BIRC6: variants seen among roughly 807,000 people sequenced by gnomAD.
BIRC6 encodes baculoviral IAP repeat containing 6, also known as dual E2 ubiquitin-conjugating enzyme/E3 ubiquitin-protein ligase BIRC6.
BIRC6 carries 98 observed loss-of-function variants against 503.3 expected under a neutral mutation model. That is an observed-to-expected ratio of 0.19 (90% CI 0.17 to 0.23). The LOEUF (loss-of-function observed/expected upper bound fraction) is 0.23. Among genes scored for constraint, BIRC6 ranks in the 10% least tolerant of loss-of-function variants. The probability of loss-of-function intolerance (pLI) is 1.00; values close to 1 mark genes in which losing one functional copy is unlikely to be tolerated. For synonymous variants in BIRC6, 2,240 were observed against 2,078.7 expected, an observed-to-expected ratio of 1.08 and a Z score of -2.11; for missense variants, 5,360 against 5,806.0, an observed-to-expected ratio of 0.92 and a Z score of 2.50.
intron 72 of BIRC6, among the ~76,000 whole-genome samples, chr2:32,609,353 T>G (rs1159132234): frequency 6.6e-6 from 1 of 151,456 alleles, no homozygotes. Context: ...ATAGTATACC[T>G]AAATAGAATT....
intron 70 of BIRC6, among the ~76,000 whole-genome samples, chr2:32,600,606 A>T (rs1048984030): frequency 6.6e-5 from 10 of 152,210 alleles, no homozygotes; most frequent in Non-Finnish European, 1.5e-4. Flanking sequence ...AGCAACATTG[A>T]CTTTACTTGA....
intron 22 of BIRC6, among the ~76,000 whole-genome samples, chr2:32,451,862 G>T (rs1461877216): frequency 6.6e-6 from 1 of 152,178 alleles, no homozygotes; most frequent in Non-Finnish European, 1.5e-5. Context: ...TGATATTAGA[G>T]AGTGTAATTT....
At chr2:32,462,092 C>T (rs549312250) in intron 23 of BIRC6, among the ~76,000 whole-genome samples, 1 of 151,808 alleles carries the variant, frequency 6.6e-6, no homozygotes, top group East Asian at 1.9e-4. Flanking sequence ...ATGCCTGGGC[C>T]ATAAAGTTGC....
intron 35 of BIRC6, among the ~76,000 whole-genome samples, 152 bp downstream of exon 35, chr2:32,477,735 CAAA>C (rs35168398): frequency 9.2e-6 from 1 of 108,626 alleles, no homozygotes; most frequent in African/African-American, 3.6e-5. Flanking sequence ...CCCGTCTCTA[CAAA>C]AAAAAAAAAA....
At chr2:32,361,243 T>C (rs2034031990) in intron 1 of BIRC6, among the ~76,000 whole-genome samples, 2 of 152,032 alleles carry the variant, frequency 1.3e-5, no homozygotes, top group Admixed American at 6.6e-5. Context: ...CCCTAATATA[T>C]ACAGTATAAA....
intron 16 of BIRC6, among the ~76,000 whole-genome samples, chr2:32,439,930 A>G (rs2045219178): frequency 6.6e-6 from 1 of 152,054 alleles, no homozygotes; most frequent in Admixed American, 6.6e-5. Flanking sequence ...CCAGGCTGGA[A>G]TGCAGTGGCG....
At chr2:32,561,050 T>C (rs1218140400) in intron 65 of BIRC6, among the ~76,000 whole-genome samples, 3 of 151,458 alleles carry the variant, frequency 2.0e-5, no homozygotes, top group East Asian at 2.0e-4. Flanking sequence ...ATACAAAAAT[T>C]AGCCGGGCGT....
At chr2:32,582,256 C>T (rs972210499) in intron 66 of BIRC6, among the ~76,000 whole-genome samples, 1 of 152,080 alleles carries the variant, frequency 6.6e-6, no homozygotes, top group African/African-American at 2.4e-5. Context: ...TGTGTATAAT[C>T]CCAGCACTTT....
intron 59 of BIRC6, 75 bp from the exon 60 acceptor site, chr2:32,529,576 A>G: frequency 7.7e-7 from 1 of 1,303,086 alleles, no homozygotes; most frequent in Non-Finnish European, 1.0e-6. Flanking sequence ...GTAATTTAGT[A>G]AAAGCAGATA....
At chr2:32,388,666 C>G (rs923751709) in intron 3 of BIRC6, 84 bp from the exon 4 acceptor site, 1 of 1,007,644 alleles carries the variant, frequency 9.9e-7, no homozygotes, top group East Asian at 2.7e-5. Context: ...GATGAGTGTT[C>G]TTTATTTGAT....
chr2:32,532,022 C>A, intron 61 of BIRC6: 1 of 477,256 alleles, frequency 2.1e-6, no homozygotes. Context: ...AATGTCTGTG[C>A]TTTCCATGCT....
At chr2:32,485,807 C>CTT (rs759861121) in intron 40 of BIRC6, 48 bp downstream of exon 40, 1 of 1,245,578 alleles carries the variant, frequency 8.0e-7, no homozygotes, top group Non-Finnish European at 1.2e-6. Context: ...TGATTCAGCT[C>CTT]TTCATCATTT....
chr2:32,518,115 C>A, intron 55 of BIRC6, 139 bp from the exon 56 acceptor site: 1 of 763,020 alleles, frequency 1.3e-6, no homozygotes, highest in Non-Finnish European at 2.0e-6. Context: ...ACTAGACCCC[C>A]AGAGACATTT....
rs143766870 is a variant in BIRC6 at position 32,373,862 on chromosome 2, A to G, written c.326-3726A>G. On this transcript the variant is annotated intron_variant, in intron 1 of 73. Transcript: ENST00000421745. Reference sequence around the variant, plus strand: ...CTAAGTGTCTGTCCATTGATAGTTGAATGGATAAAAGGAAGGAAATTCTGA... The same window carrying G: ...CTAAGTGTCTGTCCATTGATAGTTGGATGGATAAAAGGAAGGAAATTCTGA... 5.3e-5 allele frequency among the ~76,000 whole-genome samples: 8 copies of G among 152,336 alleles called. No individual in the cohort carries two copies. In the East Asian group the frequency reaches 1.4e-3, roughly 26 times the overall value.
At position 32,468,593 on chromosome 2, in the gene BIRC6, G is replaced by C. The variant is rs2048801966; in HGVS notation, c.5937G>C (p.Gln1979His). 4 of 1,613,986 alleles carry C rather than the reference G, an allele frequency of 2.5e-6. No homozygotes were observed. The highest frequency in any genetic ancestry group is 2.5e-6 in the Non-Finnish European group (3 of 1,179,882). Residue 1979 changes from glutamine to histidine, a missense_variant, in exon 29 of 74, where the codon CAG becomes CAC. Physicochemically the swap from Gln to His is conservative, Grantham distance 24. Coordinates refer to ENST00000421745, the MANE Select transcript of BIRC6 (RefSeq NM_016252.4). The part of the protein sequence containing the change: ...RVFSAYQDCI[Q>H]LQLQLNLAHN... ...TTTCTGCTTATCAAGATTGTATTCA[G>C]CTACAGCTTCAACTAAATTTGGCTC...
intron 3 of BIRC6, among the ~76,000 whole-genome samples, chr2:32,382,783 G>A (rs2037867060): frequency 6.6e-6 from 1 of 152,172 alleles, no homozygotes; most frequent in Non-Finnish European, 1.5e-5. Flanking sequence ...GAGTGCAGTG[G>A]TGCGATCTTG....
chr2:32,428,712 T>A (rs1344509099), intron 10 of BIRC6, among the ~76,000 whole-genome samples: 1 of 152,218 alleles, frequency 6.6e-6, no homozygotes, highest in Non-Finnish European at 1.5e-5. Flanking sequence ...CTTCATTTCA[T>A]TGTGAATGCT....
chr2:32,479,520 T>G lies in BIRC6; in HGVS notation c.7311T>G (p.Asp2437Glu), dbSNP rs758310228. ...EAMEEGTVGD[D>E]VGATAGDSDD... ...TGGAGGAAGGAACAGTGGGTGATGATGTAGGTGCGACAGCTGGTGACTCTG... is the reference window on the plus strand; with the variant it reads ...TGGAGGAAGGAACAGTGGGTGATGAGGTAGGTGCGACAGCTGGTGACTCTG... The change falls in exon 37 of 74, where the codon GAT (aspartate) becomes GAG (glutamate). Residue 2437 changes from aspartate to glutamate, a missense_variant. By Grantham distance (45) the Asp-to-Glu change is conservative. Around this residue, in one of 16 missense-constraint regions of BIRC6, gnomAD observed 2,299 missense variants for 2,267.2 expected, o/e 1.01. Coordinates refer to ENST00000421745, the MANE Select transcript of BIRC6 (RefSeq NM_016252.4). 1 of 1,605,864 alleles carries G rather than the reference T, an allele frequency of 6.2e-7. No homozygotes were observed. Among genetic ancestry groups the G allele is most frequent in the Admixed American group, 1.7e-5 (1 of 58,924 alleles).
intron 22 of BIRC6, 41 bp from the exon 23 acceptor site, chr2:32,453,767 A>C (rs537152933): frequency 1.9e-6 from 3 of 1,595,258 alleles, no homozygotes; most frequent in African/African-American, 1.4e-5. Flanking sequence ...GCTTTTTAAA[A>C]ATTATCTTCA....
Sources: gnomAD v4.1 joint callset for allele counts (sites outside exome capture counted in the v4.1 genomes callset) on GRCh38, gnomAD v4.1.1 for gene constraint, gnomAD v4.1.1 regional missense constraint, MANE v1.5 for transcripts, NCBI Gene and HGNC (gene_info 2026-07-23, HGNC 2026-07-21) for gene names.